The following GRXCR1 variants were observed in gnomAD, a reference collection of about 807,000 sequenced individuals.
The protein encoded by GRXCR1 is glutaredoxin and cysteine rich domain containing 1.
Under a neutral mutation model 27.3 loss-of-function variants are expected in GRXCR1, and 27 were observed. That is an observed-to-expected ratio of 0.99 (90% CI 0.73 to 1.37). The LOEUF (loss-of-function observed/expected upper bound fraction) is 1.37. GRXCR1 is among the 40% of genes most tolerant of loss of function. The probability of loss-of-function intolerance (pLI) is 0.00; values close to 1 mark genes in which losing one functional copy is unlikely to be tolerated. For missense variants in GRXCR1, 379 were observed against 354.4 expected (o/e 1.07, Z -0.56); for synonymous variants, 122 against 131.1 (o/e 0.93, Z 0.47).
chr4:42,938,758 C>A (rs1359852851), intron 1 of GRXCR1, among the ~76,000 whole-genome samples: 1 of 151,876 alleles, frequency 6.6e-6, no homozygotes, highest in Non-Finnish European at 1.5e-5. Context: ...ATTAAAGAGA[C>A]AATTTTTGCT....
intron 3 of GRXCR1, among the ~76,000 whole-genome samples, chr4:43,024,010 G>T (rs1393863825): frequency 1.3e-5 from 2 of 152,066 alleles, no homozygotes; most frequent in African/African-American, 2.4e-5. Context: ...TGGTGTCCAT[G>T]CAGGGAGAGC....
At chr4:42,905,651 TACA>T (rs1231096681) in intron 1 of GRXCR1, among the ~76,000 whole-genome samples, 8 of 152,230 alleles carry the variant, frequency 5.3e-5, no homozygotes, top group African/African-American at 1.9e-4. Context: ...TGCCATAGCT[TACA>T]GCCAGACCAG....
At chr4:42,983,823 T>A (rs1379623336) in intron 2 of GRXCR1, among the ~76,000 whole-genome samples, 1 of 151,196 alleles carries the variant, frequency 6.6e-6, no homozygotes, top group Admixed American at 6.6e-5. Context: ...GTCTTTATGT[T>A]CAGAGATTTT....
intron 1 of GRXCR1, among the ~76,000 whole-genome samples, chr4:42,925,084 G>A (rs757215718): frequency 1.3e-4 from 20 of 151,828 alleles, no homozygotes; most frequent in Non-Finnish European, 2.4e-4. Context: ...GAAAGCTTAT[G>A]AGGAGTTTCT....
At chr4:42,981,212 CTACTA>C (rs1407968114) in intron 2 of GRXCR1, among the ~76,000 whole-genome samples, 4 of 146,078 alleles carry the variant, frequency 2.7e-5, no homozygotes, top group African/African-American at 5.0e-5. Flanking sequence ...TCTTATGTCT[CTACTA>C]TGCTATGCTT....
At position 43,030,388 on chromosome 4, in the gene GRXCR1, TC is replaced by T; in HGVS notation, c.722del (p.Ser241PhefsTer32). 6.2e-7 allele frequency: 1 copy of T among 1,614,032 alleles called. No individual in the cohort carries two copies. The highest frequency in any genetic ancestry group is 8.5e-7 in the Non-Finnish European group (1 of 1,180,014). Reference sequence around the variant, plus strand: ...AGTACAGCATCCACATGAGTGTCCCTCTTGTGGAGGCTTTGGCTTTCTTCCA... The same window carrying T: ...AGTACAGCATCCACATGAGTGTCCCTTTGTGGAGGCTTTGGCTTTCTTCCA... ...ERVQHPHECP[S>X]CGGFGFLPCS... On this transcript the variant is annotated frameshift_variant, in exon 4 of 4. Coordinates refer to ENST00000399770, the MANE Select transcript of GRXCR1 (RefSeq NM_001080476.3). LOFTEE classifies it high-confidence loss of function.
intron 2 of GRXCR1, among the ~76,000 whole-genome samples, chr4:43,015,830 C>T (rs1219957027): frequency 6.6e-6 from 1 of 151,322 alleles, no homozygotes; most frequent in African/African-American, 2.4e-5. Flanking sequence ...TGTATATATA[C>T]ATTAAAATTT....
At chr4:43,002,897 A>G (rs1296534242) in intron 2 of GRXCR1, among the ~76,000 whole-genome samples, 1 of 152,202 alleles carries the variant, frequency 6.6e-6, no homozygotes, top group Admixed American at 6.5e-5. Context: ...GACAAATTGT[A>G]ATCCCCATGT....
At chr4:42,924,323 A>ATGTGGG (rs1332495512) in intron 1 of GRXCR1, among the ~76,000 whole-genome samples, 3 of 152,086 alleles carry the variant, frequency 2.0e-5, no homozygotes, top group Admixed American at 1.3e-4. Context: ...GTTTGTATGC[A>ATGTGGG]TGTGGGTGTG....
chr4:42,974,131 T>C (rs1161971444), intron 2 of GRXCR1, among the ~76,000 whole-genome samples: 1 of 151,984 alleles, frequency 6.6e-6, no homozygotes, highest in Non-Finnish European at 1.5e-5. Flanking sequence ...AATGAGGGGA[T>C]GAAAAAAGAC....
intron 1 of GRXCR1, among the ~76,000 whole-genome samples, chr4:42,937,343 T>C (rs1268754866): frequency 1.0e-5 from 1 of 96,584 alleles, no homozygotes; most frequent in Non-Finnish European, 2.2e-5. Context: ...TCACCTTGTG[T>C]TTTTTTTCTG....
intron 2 of GRXCR1, among the ~76,000 whole-genome samples, chr4:42,993,325 C>G (rs955602377): frequency 6.6e-6 from 1 of 152,008 alleles, no homozygotes; most frequent in African/African-American, 2.4e-5. Context: ...CTTGATGCCT[C>G]TCTGCCCCGA....
intron 1 of GRXCR1, among the ~76,000 whole-genome samples, chr4:42,911,349 G>T (rs76551206): frequency 6.6e-6 from 1 of 152,152 alleles, no homozygotes; most frequent in Non-Finnish European, 1.5e-5. Context: ...CAACAAAAGT[G>T]TATAAAATCA....
At chr4:42,947,473 A>G (rs1328992503) in intron 1 of GRXCR1, among the ~76,000 whole-genome samples, 1 of 152,198 alleles carries the variant, frequency 6.6e-6, no homozygotes, top group Non-Finnish European at 1.5e-5. Flanking sequence ...TTATGGCAGT[A>G]CATTCAATTG....
chr4:42,944,196 T>C (rs2109764674), intron 1 of GRXCR1, among the ~76,000 whole-genome samples: 1 of 152,122 alleles, frequency 6.6e-6, no homozygotes, highest in Middle Eastern at 3.4e-3. Context: ...CAGGGTCTGG[T>C]AGAAGATGGA....
intron 2 of GRXCR1, among the ~76,000 whole-genome samples, chr4:42,987,642 T>C (rs963263123): frequency 6.6e-6 from 1 of 152,142 alleles, no homozygotes; most frequent in Non-Finnish European, 1.5e-5. Context: ...GTTCCTAGTA[T>C]GAAAGATTTC....
At chr4:42,919,142 GA>G (rs756834915) in intron 1 of GRXCR1, among the ~76,000 whole-genome samples, 2 of 152,120 alleles carry the variant, frequency 1.3e-5, no homozygotes, top group Non-Finnish European at 2.9e-5. Context: ...CATCTTTTGA[GA>G]AAATTGACCA....
At chr4:43,025,258 G>A (rs1560692385) in intron 3 of GRXCR1, among the ~76,000 whole-genome samples, 1 of 152,170 alleles carries the variant, frequency 6.6e-6, no homozygotes, top group Non-Finnish European at 1.5e-5. Context: ...TGAGATGACT[G>A]CAATATGGAG....
intron 2 of GRXCR1, among the ~76,000 whole-genome samples, chr4:43,010,313 G>C (rs535207033): frequency 4.0e-5 from 6 of 151,620 alleles, no homozygotes; most frequent in Middle Eastern, 3.4e-3. Context: ...TGAGGCAGGA[G>C]AATTGCTTGA....
Sources: gnomAD v4.1 joint callset for allele counts (sites outside exome capture counted in the v4.1 genomes callset) on GRCh38, gnomAD v4.1.1 for gene constraint, MANE v1.5 for transcripts, NCBI Gene and HGNC (gene_info 2026-07-23, HGNC 2026-07-21) for gene names.